Variants in BAZ2B observed in about 807,000 individuals in gnomAD.
BAZ2B encodes bromodomain adjacent to zinc finger domain 2B.
BAZ2B carries 91 observed loss-of-function variants against 246.0 expected under a neutral mutation model. That is an observed-to-expected ratio of 0.37 (90% CI 0.31 to 0.44). BAZ2B has a LOEUF of 0.44. Ranked by LOEUF, BAZ2B falls within the 20% of genes least tolerant of loss-of-function variation. The pLI, the probability that BAZ2B is intolerant of heterozygous loss-of-function variation, is 1.00. For synonymous variants in BAZ2B, 855 were observed against 860.0 expected (o/e 0.99, Z 0.10); for missense variants, 2,332 against 2,533.7 (o/e 0.92, Z 1.71).
At chr2:159,536,395 A>G (rs1469917631) in intron 2 of BAZ2B, 1 of 152,218 alleles carries the variant, frequency 6.6e-6, no homozygotes, top group Non-Finnish European at 1.5e-5. Flanking sequence ...CATATTTTTA[A>G]TGAAATAATA....
chr2:159,620,179 T>C (rs930880988), upstream of BAZ2B, among the ~76,000 whole-genome samples: 8 of 152,194 alleles, frequency 5.3e-5, no homozygotes, highest in African/African-American at 1.9e-4. Flanking sequence ...AGATGGTTCC[T>C]CAAAGAGTAA....
Position 159,427,803 on chromosome 2 carries a change from G to T in BAZ2B, c.2466+138C>A, listed in dbSNP as rs188169021. 1,106 of 601,118 alleles carry T rather than the reference G, an allele frequency of 1.8e-3. 1 individual carries two copies. Among genetic ancestry groups the T allele is most frequent in the Non-Finnish European group, 2.3e-3 (826 of 351,776 alleles). 37.2% of individuals were successfully genotyped at this position (601,118 alleles called of 1,614,324 possible). ...ATAGTTAATTGAGGCCTTAATGAGT[G>T]CTTACCACAAAGTTATATGTATAGC... On this transcript the variant is annotated intron_variant, in intron 13 of 36. Transcript: ENST00000392783.
intron 19 of BAZ2B, 39 bp from the exon 20 acceptor site, chr2:159,395,873 C>A: frequency 1.3e-6 from 2 of 1,526,152 alleles, no homozygotes; most frequent in South Asian, 1.2e-5. Flanking sequence ...AACTCAGCCA[C>A]AATTAACAGT....
At chr2:159,400,791 A>G in intron 16 of BAZ2B, 127 bp from the exon 17 acceptor site, 1 of 520,404 alleles carries the variant, frequency 1.9e-6, no homozygotes. Flanking sequence ...CTGTAATCCC[A>G]GCACTTTGGG....
intron 2 of BAZ2B, among the ~76,000 whole-genome samples, chr2:159,534,096 G>GT (rs2085667637): frequency 6.6e-6 from 1 of 152,102 alleles, no homozygotes; most frequent in Non-Finnish European, 1.5e-5. Context: ...TAAAAACCTT[G>GT]TATCTATTCC....
chr2:159,400,649 T>C lies in BAZ2B; in HGVS notation c.2848A>G (p.Ile950Val). 2 of 1,570,042 alleles carry C rather than the reference T, an allele frequency of 1.3e-6. No homozygotes were observed. The highest frequency in any genetic ancestry group is 1.7e-6 in the Non-Finnish European group (2 of 1,147,038). ...IMKQQEKIKR[I>V]QQIRMEKELR... The stretch of plus-strand genomic sequence containing the variant: ...TCTTTTTCCATTCTGATTTGCTGTA[T>C]TCTCTTAATTTTTTCCTGTAGGAAA... The change falls in exon 17 of 37, where the codon ATA becomes GTA. Residue 950 changes from isoleucine to valine, a missense_variant. Physicochemically the swap from Ile to Val is conservative, Grantham distance 29. Around this residue, in one of 9 missense-constraint regions of BAZ2B, gnomAD observed 651 missense variants for 650.9 expected, o/e 1.00. Transcript: ENST00000392783.
intron 3 of BAZ2B, chr2:159,461,154 G>A (rs2150593549): frequency 6.6e-6 from 1 of 152,328 alleles, no homozygotes; most frequent in Admixed American, 6.6e-5. Flanking sequence ...ACATGTATGT[G>A]GAGATAGGCA....
chr2:159,612,574 T>C (rs1298141571), intron 1 of BAZ2B, among the ~76,000 whole-genome samples: 2 of 152,106 alleles, frequency 1.3e-5, no homozygotes, highest in Non-Finnish European at 2.9e-5. Flanking sequence ...TTCCAAAATA[T>C]ACTTTCACTA....
At chr2:159,686,796 A>G in the BAZ2B span, among the ~76,000 whole-genome samples, 2 of 152,152 alleles carry the variant, frequency 1.3e-5, no homozygotes, top group African/African-American at 2.4e-5. Context: ...TAATCCCAGC[A>G]CTTTGGGAGG....
intron 25 of BAZ2B, among the ~76,000 whole-genome samples, chr2:159,378,216 G>C (rs1199775092): frequency 1.3e-5 from 2 of 152,260 alleles, no homozygotes; most frequent in East Asian, 3.9e-4. Context: ...TCTTTTGTTT[G>C]GGTAATTACA....
chr2:159,410,828 A>G (rs1246160247), intron 14 of BAZ2B, among the ~76,000 whole-genome samples: 1 of 152,198 alleles, frequency 6.6e-6, no homozygotes, highest in Non-Finnish European at 1.5e-5. Flanking sequence ...AAAGTGTAAT[A>G]TATATTTATT....
At chr2:159,375,262 T>C (rs2061305123) in intron 25 of BAZ2B, among the ~76,000 whole-genome samples, 1 of 151,880 alleles carries the variant, frequency 6.6e-6, no homozygotes, top group Admixed American at 6.6e-5. Context: ...AGCAGGAAAG[T>C]ATAAGGGTCT....
At chr2:159,348,508 G>C (rs937628494) in intron 30 of BAZ2B, among the ~76,000 whole-genome samples, 170 bp downstream of exon 30, 1 of 151,994 alleles carries the variant, frequency 6.6e-6, no homozygotes, top group African/African-American at 2.4e-5. Flanking sequence ...TATATGTTCA[G>C]TACAGATGCA....
chr2:159,523,540 C>A (rs558056576), intron 2 of BAZ2B, among the ~76,000 whole-genome samples: 1 of 151,938 alleles, frequency 6.6e-6, no homozygotes, highest in South Asian at 2.1e-4. Flanking sequence ...CCTGTCTCTA[C>A]TAAAAGTACA....
At chr2:159,693,193 T>C in the BAZ2B span, 1 of 3,394 alleles carries the variant, frequency 2.9e-4, no homozygotes, top group East Asian at 1.3e-3. Flanking sequence ...TTTTTTTTCT[T>C]TTTTTGTGCT....
At chr2:159,673,477 C>G in the BAZ2B span, among the ~76,000 whole-genome samples, 1 of 152,094 alleles carries the variant, frequency 6.6e-6, no homozygotes, top group African/African-American at 2.4e-5. Context: ...AAGTGTTTAT[C>G]CTTTGATTTA....
At chr2:159,411,082 C>T (rs931274974) in intron 14 of BAZ2B, among the ~76,000 whole-genome samples, 3 of 152,196 alleles carry the variant, frequency 2.0e-5, no homozygotes, top group African/African-American at 7.2e-5. Flanking sequence ...AGCGCAGTGG[C>T]ATGATCATAG....
chr2:159,402,246 G>A (rs896268316), intron 16 of BAZ2B, among the ~76,000 whole-genome samples: 3 of 152,016 alleles, frequency 2.0e-5, no homozygotes, highest in Admixed American at 1.3e-4. Flanking sequence ...TCAGGAGTTC[G>A]AGAAACAAAC....
At chr2:159,611,622 A>C (rs1694738149) in intron 1 of BAZ2B, among the ~76,000 whole-genome samples, 1 of 151,894 alleles carries the variant, frequency 6.6e-6, no homozygotes. Context: ...TATATATTCT[A>C]ATCAATTTCA....
Sources: gnomAD v4.1 joint callset for allele counts (sites outside exome capture counted in the v4.1 genomes callset) on GRCh38, gnomAD v4.1.1 for gene constraint, gnomAD v4.1.1 regional missense constraint, MANE v1.5 for transcripts, NCBI Gene and HGNC (gene_info 2026-07-23, HGNC 2026-07-21) for gene names.